The following TXNRD1 variants were observed in gnomAD, a reference collection of about 807,000 sequenced individuals.
The protein encoded by TXNRD1 is thioredoxin reductase 1, cytoplasmic.
TXNRD1 carries 57 observed loss-of-function variants against 80.3 expected under a neutral mutation model. The observed-to-expected ratio is 0.71, with a 90% CI of 0.57 to 0.89. The LOEUF (loss-of-function observed/expected upper bound fraction) is 0.89. TXNRD1 is among the 40% of genes least tolerant of loss of function. The probability of loss-of-function intolerance (pLI) is 0.00; values close to 1 mark genes in which losing one functional copy is unlikely to be tolerated. For missense variants in TXNRD1, 730 were observed against 803.0 expected (o/e 0.91, Z 1.10); for synonymous variants, 291 against 285.2 (o/e 1.02, Z -0.20).
chr12:104,348,532 C>A lies in TXNRD1; in HGVS notation c.*111C>A. 1 of 997,758 alleles carries A rather than the reference C, an allele frequency of 1.0e-6. No individual in the cohort carries two copies. Among genetic ancestry groups the A allele is most frequent in the Non-Finnish European group, 1.5e-6 (1 of 649,894 alleles). The allele number at this position is 997,758 out of a possible 1,614,324, so 61.8% of individuals were successfully genotyped here. On this transcript the variant is annotated 3_prime_UTR_variant, in exon 17 of 17. Coordinates refer to ENST00000525566, the MANE Select transcript of TXNRD1 (RefSeq NM_001093771.3). ...CTTGGGCTCTTGGCACCTGCGTGTCCTGTGCTTACCACCGCCCAAGGCCCC... is the reference window on the plus strand; with the variant it reads ...CTTGGGCTCTTGGCACCTGCGTGTCATGTGCTTACCACCGCCCAAGGCCCC...
At chr12:104,258,134 T>C (rs767811560) in intron 3 of TXNRD1, 55 bp downstream of exon 3, 30 of 1,303,420 alleles carry the variant, frequency 2.3e-5, no homozygotes, top group Non-Finnish European at 3.1e-5. Flanking sequence ...TTTTATCTCA[T>C]TTATTCTATC....
chr12:104,233,851 A>G (rs1401204078), intron 1 of TXNRD1, among the ~76,000 whole-genome samples: 1 of 152,182 alleles, frequency 6.6e-6, no homozygotes, highest in African/African-American at 2.4e-5. Context: ...GGCCGTAAAT[A>G]TATCAAAATA....
At position 104,350,115 on chromosome 12, in the gene TXNRD1, G is replaced by A. The variant is rs2036600136; in HGVS notation, c.*1694G>A. On this transcript the variant is annotated 3_prime_UTR_variant, in exon 17 of 17. Transcript: ENST00000525566. ...GTGATTCTCTTTTCTTAGTGGAGTGGAATGTTCTATCCCCACAAGAAGGAT... is the reference window on the plus strand; with the variant it reads ...GTGATTCTCTTTTCTTAGTGGAGTGAAATGTTCTATCCCCACAAGAAGGAT... 6.6e-6 allele frequency: 1 copy of A among 152,086 alleles called. No individual in the cohort carries two copies. Among genetic ancestry groups the A allele is most frequent in the South Asian group, 2.1e-4 (1 of 4,830 alleles). 9.4% of individuals were successfully genotyped at this position (152,086 alleles called of 1,614,324 possible).
At chr12:104,299,510 T>C (rs1215744148) in intron 4 of TXNRD1, among the ~76,000 whole-genome samples, 1 of 152,078 alleles carries the variant, frequency 6.6e-6, no homozygotes, top group Non-Finnish European at 1.5e-5. Flanking sequence ...GGCTCACGCA[T>C]GTAATCCCAG....
intron 4 of TXNRD1, chr12:104,310,225 C>T (rs1160291490): frequency 9.7e-7 from 1 of 1,033,200 alleles, no homozygotes; most frequent in Non-Finnish European, 1.4e-6. Context: ...TCTTGGCTCA[C>T]TGCAACGTCT....
chr12:104,264,193 A>C (rs147830629), intron 3 of TXNRD1, among the ~76,000 whole-genome samples: 8 of 152,322 alleles, frequency 5.3e-5, no homozygotes, highest in Non-Finnish European at 1.2e-4. Flanking sequence ...CTCATTCTTT[A>C]AGATCATTTT....
chr12:104,326,460 ATTTTTTTT>A, intron 12 of TXNRD1, 37 bp downstream of exon 12: 4 of 539,378 alleles, frequency 7.4e-6, no homozygotes, highest in East Asian at 5.6e-5. Context: ...TATTTGTGGG[ATTTTTTTT>A]TTTTTTTTTT....
At chr12:104,321,631 A>G (rs1247110036) in intron 10 of TXNRD1, among the ~76,000 whole-genome samples, 1 of 152,036 alleles carries the variant, frequency 6.6e-6, no homozygotes, top group Non-Finnish European at 1.5e-5. Context: ...GTTTCTTCAT[A>G]TGTACCAGAG....
At chr12:104,278,179 T>C (rs2033797006) in intron 3 of TXNRD1, among the ~76,000 whole-genome samples, 1 of 129,648 alleles carries the variant, frequency 7.7e-6, no homozygotes, top group Non-Finnish European at 1.6e-5. Flanking sequence ...GCCTGGCCTC[T>C]GATCAAATTC....
chr12:104,287,203 G>T (rs773628722), intron 3 of TXNRD1: 848 of 1,596,518 alleles, frequency 5.3e-4, no homozygotes, highest in Non-Finnish European at 6.8e-4. Context: ...ACAGCATTGC[G>T]CCTGGGTGCA....
At chr12:104,325,208 T>C (rs2035714578) in intron 10 of TXNRD1, 129 bp from the exon 11 acceptor site, 1 of 668,256 alleles carries the variant, frequency 1.5e-6, no homozygotes, top group South Asian at 1.7e-5. Flanking sequence ...GTGAGGGAGA[T>C]GGGACATAAA....
intron 15 of TXNRD1, among the ~76,000 whole-genome samples, chr12:104,338,179 C>T (rs148104250): frequency 9.2e-5 from 14 of 151,936 alleles, no homozygotes; most frequent in South Asian, 2.1e-4. Context: ...AAATACAGGA[C>T]GTGAGGACAC....
chr12:104,228,323 T>TTG (rs1565852602), intron 1 of TXNRD1, among the ~76,000 whole-genome samples: 8 of 146,932 alleles, frequency 5.4e-5, no homozygotes, highest in East Asian at 2.0e-4. Context: ...AAAAAAAATC[T>TTG]GTATTTGATT....
chr12:104,330,282 A>C (rs935194288), intron 13 of TXNRD1, among the ~76,000 whole-genome samples: 1 of 152,188 alleles, frequency 6.6e-6, no homozygotes, highest in Admixed American at 6.5e-5. Context: ...CTAGGCTTTT[A>C]CCAGATGGCA....
intron 4 of TXNRD1, among the ~76,000 whole-genome samples, chr12:104,293,802 C>T (rs894977560): frequency 1.1e-4 from 16 of 152,204 alleles, no homozygotes; most frequent in East Asian, 3.9e-4. Flanking sequence ...GCGCGGAGAC[C>T]GGTAGTGGCC....
At chr12:104,257,039 C>T (rs1199504622) in intron 2 of TXNRD1, among the ~76,000 whole-genome samples, 3 of 139,238 alleles carry the variant, frequency 2.2e-5, no homozygotes, top group African/African-American at 8.0e-5. Flanking sequence ...TCAGGCTACT[C>T]TGGCCTTTTA....
intron 3 of TXNRD1, among the ~76,000 whole-genome samples, chr12:104,275,348 T>C (rs114935883): frequency 0.015 from 2,296 of 152,224 alleles, 51 homozygotes; most frequent in African/African-American, 0.051. Flanking sequence ...TGAGAATATA[T>C]GCACTGCGGA....
chr12:104,337,754 A>T (rs2036186914), intron 15 of TXNRD1, among the ~76,000 whole-genome samples: 1 of 151,888 alleles, frequency 6.6e-6, no homozygotes, highest in African/African-American at 2.4e-5. Flanking sequence ...ATTTATCCTC[A>T]AAACCTTATT....
intron 1 of TXNRD1, among the ~76,000 whole-genome samples, chr12:104,223,482 G>C (rs2032399488): frequency 6.6e-6 from 1 of 152,120 alleles, no homozygotes; most frequent in South Asian, 2.1e-4. Flanking sequence ...AGAAGGAATA[G>C]AACTTAGCAA....
Sources: allele counts gnomAD v4.1 joint callset (sites outside exome capture counted in the v4.1 genomes callset), GRCh38; gene constraint gnomAD v4.1.1; transcripts MANE v1.5; gene names NCBI Gene and HGNC (gene_info 2026-07-23, HGNC 2026-07-21).